SERF2: variants seen among roughly 807,000 people sequenced by gnomAD.
The protein encoded by SERF2 is small EDRK-rich factor 2.
In SERF2, 4 loss-of-function variants were observed where a neutral mutation model predicts 10.7. The observed-to-expected ratio is 0.37, with a 90% confidence interval of 0.18 to 0.86. The LOEUF (loss-of-function observed/expected upper bound fraction) is 0.86, where lower values mean the gene tolerates loss of function less well. SERF2 is among the 40% of genes least tolerant of loss of function. The pLI, the probability that SERF2 is intolerant of heterozygous loss-of-function variation, is 0.43. For synonymous variants in SERF2, 26 were observed against 26.0 expected (o/e 1.00, Z 0.01); for missense variants, 47 against 79.1 (o/e 0.59, Z 1.54).
rs1017894300 is a variant in SERF2, at chr15:43,795,251, G to A, written c.*1478G>A. ...AGGCTCTGGTTAGAGAATATGAAGGGCCTTAGCTTTTAGACCTGTTCTACC... is the reference window on the plus strand; with the variant it reads ...AGGCTCTGGTTAGAGAATATGAAGGACCTTAGCTTTTAGACCTGTTCTACC... On this transcript the variant is annotated 3_prime_UTR_variant, in exon 3 of 3. Coordinates refer to ENST00000249786, the MANE Select transcript of SERF2 (RefSeq NM_001018108.4). 6.2e-7 allele frequency: 1 copy of A among 1,605,410 alleles called. No homozygotes were observed. Among genetic ancestry groups the A allele is most frequent in the Admixed American group, 1.7e-5 (1 of 59,898 alleles).
In SERF2 at chr15:43,793,999, T is replaced by C. The variant is rs1025249440; in HGVS notation, c.*226T>C. On this transcript the variant is annotated 3_prime_UTR_variant, in exon 3 of 3. Coordinates refer to ENST00000249786, the MANE Select transcript of SERF2 (RefSeq NM_001018108.4). ...GGGGTTACCCCTTCCCAGTGTTTTTTATTCCTGTGGGGCTCACCCCAAAGT... is the reference window on the plus strand; with the variant it reads ...GGGGTTACCCCTTCCCAGTGTTTTTCATTCCTGTGGGGCTCACCCCAAAGT... 11 of 1,490,370 alleles carry C rather than the reference T, an allele frequency of 7.4e-6. No homozygotes were observed. The highest frequency in any genetic ancestry group is 1.3e-5 in the South Asian group (1 of 77,918). The allele number at this position is 1,490,370 out of a possible 1,614,324, so 92.3% of individuals were successfully genotyped here.
At chr15:43,781,533 A>AAAAC (rs568199824) in intron 1 of SERF2, among the ~76,000 whole-genome samples, 50 of 152,010 alleles carry the variant, frequency 3.3e-4, no homozygotes, top group Admixed American at 1.4e-3. Context: ...AAAAACAAAC[A>AAAAC]AAACAAACAA....
At chr15:43,792,041 C>G (rs1242383721), upstream of SERF2, 1 of 487,678 alleles carries the variant, frequency 2.1e-6, no homozygotes, top group Non-Finnish European at 3.8e-6. Flanking sequence ...CGTGCTCGAG[C>G]CCGCGGGAGC....
intron 1 of SERF2, chr15:43,792,673 T>TC (rs1433622542): frequency 7.7e-6 from 10 of 1,301,820 alleles, no homozygotes; most frequent in Admixed American, 2.9e-5. Flanking sequence ...AGCCAGCCCA[T>TC]CCCCCACGGA....
chr15:43,795,305 G>T lies in SERF2; in HGVS notation c.*1532G>T, dbSNP rs995119718. 4.4e-5 allele frequency: 70 copies of T among 1,578,398 alleles called. No homozygotes were observed. The highest frequency in any genetic ancestry group is 5.5e-5 in the Non-Finnish European group (63 of 1,148,318). On this transcript the variant is annotated 3_prime_UTR_variant, in exon 3 of 3. Transcript: ENST00000249786. The stretch of plus-strand genomic sequence containing the variant: ...TCACCAAATATAATGGCAGACCCAT[G>T]TGTGTCTGGAATGGCCTTGAATTGC...
upstream of SERF2, among the ~76,000 whole-genome samples, chr15:43,787,382 AT>A (rs1257536104): frequency 6.6e-6 from 1 of 152,072 alleles, no homozygotes; most frequent in Non-Finnish European, 1.5e-5. Flanking sequence ...CTCTTGGAGT[AT>A]AGGCTGGAGG....
chr15:43,795,662 C>G lies in SERF2; in HGVS notation c.*1889C>G, dbSNP rs767647154. 6.2e-7 allele frequency: 1 copy of G among 1,613,400 alleles called. No homozygotes were observed. Among genetic ancestry groups the G allele is most frequent in the African/African-American group, 1.3e-5 (1 of 75,052 alleles). ...GGCACTCCACAGAGATCTACCACTT[C>G]TTATGGTTCCTCACTTGGCACTCAC... On this transcript the variant is annotated 3_prime_UTR_variant, in exon 3 of 3. Coordinates refer to ENST00000249786, the MANE Select transcript of SERF2 (RefSeq NM_001018108.4).
In SERF2 at chr15:43,795,234, G is replaced by A. The variant is rs749244156; in HGVS notation, c.*1461G>A. 6.2e-7 allele frequency: 1 copy of A among 1,612,048 alleles called. No individual in the cohort carries two copies. The highest frequency in any genetic ancestry group is 1.7e-5 in the Admixed American group (1 of 60,006). Reference sequence around the variant, plus strand: ...CATAGCTGTGTAACCAAAGGCTCTGGTTAGAGAATATGAAGGGCCTTAGCT... The same window carrying A: ...CATAGCTGTGTAACCAAAGGCTCTGATTAGAGAATATGAAGGGCCTTAGCT... On this transcript the variant is annotated 3_prime_UTR_variant, in exon 3 of 3. Transcript: ENST00000249786.
upstream of SERF2, among the ~76,000 whole-genome samples, chr15:43,789,577 TCA>T (rs573240987): frequency 8.5e-5 from 13 of 152,338 alleles, no homozygotes; most frequent in East Asian, 1.9e-4. Flanking sequence ...GTGGAATTGT[TCA>T]CAGAGTCTTC....
rs530544876 is a variant in SERF2 at position 43,785,219 on chromosome 15, C to A, written c.-526-191C>A. ...AAGTAGTTGGGATTACAGGCGCCCA[C>A]CACCACACCCGGCTAATTTTTGTAT... On this transcript the variant is annotated intron_variant, in intron 1 of 4. Transcript: ENST00000381359. 2.0e-5 allele frequency among the ~76,000 whole-genome samples: 3 copies of A among 151,110 alleles called. No individual in the cohort carries two copies. In the East Asian group the frequency reaches 5.9e-4, roughly 30 times the overall value.
intron 1 of SERF2, among the ~76,000 whole-genome samples, chr15:43,781,204 G>C (rs867008403): frequency 6.6e-6 from 1 of 152,168 alleles, no homozygotes; most frequent in African/African-American, 2.4e-5. Context: ...GGGTGGGATG[G>C]AGAGGGAGGA....
chr15:43,788,932 A>G (rs924861611), upstream of SERF2, among the ~76,000 whole-genome samples: 6 of 151,868 alleles, frequency 4.0e-5, no homozygotes, highest in African/African-American at 1.2e-4. Context: ...GGCGGATCAC[A>G]AGGTCAGGAG....
Position 43,793,815 on chromosome 15 carries a change from T to C in SERF2, c.*42T>C, listed in dbSNP as rs765474877. 229 of 1,614,076 alleles carry C rather than the reference T, an allele frequency of 1.4e-4. No individual in the cohort carries two copies. Among genetic ancestry groups the C allele is most frequent in the Non-Finnish European group, 1.7e-4 (199 of 1,180,042 alleles). ...CCAACCCTCTTGCCCTTCGCCTGTG[T>C]GCCTGGAGCCAGTCCCACCACGCTC... On this transcript the variant is annotated 3_prime_UTR_variant, in exon 3 of 3. Coordinates refer to ENST00000249786, the MANE Select transcript of SERF2 (RefSeq NM_001018108.4).
chr15:43,779,791 C>A (rs1383038026), intron 1 of SERF2, among the ~76,000 whole-genome samples: 1 of 152,122 alleles, frequency 6.6e-6, no homozygotes, highest in African/African-American at 2.4e-5. Context: ...CCATGCTCAG[C>A]CAAAATTACA....
Position 43,793,988 on chromosome 15 carries a change from C to T in SERF2, c.*215C>T. Reference sequence around the variant, plus strand: ...CCGGGGGTGAGGGGGTTACCCCTTCCCAGTGTTTTTTATTCCTGTGGGGCT... The same window carrying T: ...CCGGGGGTGAGGGGGTTACCCCTTCTCAGTGTTTTTTATTCCTGTGGGGCT... On this transcript the variant is annotated 3_prime_UTR_variant, in exon 3 of 3. Coordinates refer to ENST00000249786, the MANE Select transcript of SERF2 (RefSeq NM_001018108.4). The T allele has an allele frequency of 6.7e-7, 1 of 1,503,422 alleles. No homozygotes were observed. The highest frequency in any genetic ancestry group is 1.2e-5 in the South Asian group (1 of 80,170). 93.1% of individuals were successfully genotyped at this position (1,503,422 alleles called of 1,614,324 possible).
chr15:43,792,800 G>T, intron 1 of SERF2, 175 bp from the exon 2 acceptor site: 1 of 678,472 alleles, frequency 1.5e-6, no homozygotes, highest in South Asian at 2.0e-5. Context: ...GACCTGGCCC[G>T]TGGCAGATTC....
intron 1 of SERF2, among the ~76,000 whole-genome samples, chr15:43,783,899 C>G (rs1269803855): frequency 7.0e-6 from 1 of 143,252 alleles, no homozygotes; most frequent in East Asian, 2.1e-4. Context: ...GTAGCTGGGA[C>G]TACAAGCGGG....
chr15:43,792,355 G>A lies in SERF2; in HGVS notation c.-22G>A, dbSNP rs1421348256. On this transcript the variant is annotated 5_prime_UTR_variant, in exon 1 of 3. Transcript: ENST00000249786. Reference sequence around the variant, plus strand: ...AGAACGAGGGGACGTAACGGAGGCAGGTTGGAGCCGCTGCCGTCGCCATGA... The same window carrying A: ...AGAACGAGGGGACGTAACGGAGGCAAGTTGGAGCCGCTGCCGTCGCCATGA... The A allele has an allele frequency of 1.9e-6, 3 of 1,596,564 alleles. No individual in the cohort carries two copies. The highest frequency in any genetic ancestry group is 3.3e-5 in the Admixed American group (2 of 60,018).
intron 1 of SERF2, among the ~76,000 whole-genome samples, chr15:43,779,281 GA>G (rs2141665958): frequency 6.6e-6 from 1 of 152,200 alleles, no homozygotes; most frequent in South Asian, 2.1e-4. Context: ...CTGAGAGAGA[GA>G]ATGAGGGAGG....
Sources: gnomAD v4.1 joint callset for allele counts (sites outside exome capture counted in the v4.1 genomes callset) on GRCh38, gnomAD v4.1.1 for gene constraint, MANE v1.5 for transcripts, NCBI Gene and HGNC (gene_info 2026-07-23, HGNC 2026-07-21) for gene names.